Variants in PSD3 observed in about 807,000 individuals in gnomAD.
PSD3 encodes pleckstrin and Sec7 domain containing 3, also known as PH and SEC7 domain-containing protein 3.
Under a neutral mutation model 105.5 loss-of-function variants are expected in PSD3, and 49 were observed. The ratio of observed to expected loss-of-function variants is 0.46; its 90% CI spans 0.37 to 0.59. PSD3 has a LOEUF of 0.59. PSD3 is among the 20% of genes least tolerant of loss of function. PSD3 has a pLI of 0.00. For synonymous variants in PSD3, 557 were observed against 457.8 expected (o/e 1.22, Z -2.77); for missense variants, 1,561 against 1,263.8 (o/e 1.24, Z -3.57).
chr8:18,751,980 G>T (rs1805529960), intron 9 of PSD3, among the ~76,000 whole-genome samples: 1 of 146,458 alleles, frequency 6.8e-6, no homozygotes, highest in African/African-American at 2.7e-5. Context: ...TTCAAGACCA[G>T]CCTTGCCAAC....
chr8:18,767,719 C>T (rs1807137918), intron 8 of PSD3, among the ~76,000 whole-genome samples: 1 of 151,798 alleles, frequency 6.6e-6, no homozygotes, highest in African/African-American at 2.4e-5. Flanking sequence ...TGCACTCCAG[C>T]CTGGGAAACA....
chr8:18,797,108 T>C (rs534335532), intron 8 of PSD3, among the ~76,000 whole-genome samples: 1 of 152,234 alleles, frequency 6.6e-6, no homozygotes, highest in Admixed American at 6.5e-5. Context: ...AGGAGAAAGA[T>C]AGAAGAAACA....
chr8:18,673,401 AATC>A (rs1208675608), intron 9 of PSD3, among the ~76,000 whole-genome samples: 8 of 152,138 alleles, frequency 5.3e-5, no homozygotes. Context: ...CCCTGGAGTT[AATC>A]ATCATCTTAT....
At chr8:19,017,193 C>T (rs944351981), upstream of PSD3, among the ~76,000 whole-genome samples, 4 of 151,834 alleles carry the variant, frequency 2.6e-5, no homozygotes, top group African/African-American at 9.7e-5. Flanking sequence ...TCTGGGACTA[C>T]AGGCACACAC....
chr8:18,953,022 A>G (rs998124309), intron 1 of PSD3, among the ~76,000 whole-genome samples: 1 of 152,248 alleles, frequency 6.6e-6, no homozygotes, highest in African/African-American at 2.4e-5. Flanking sequence ...AACAAACTCC[A>G]ACACATCAAT....
At chr8:19,078,036 A>G (rs750033135) in intron 1 of PSD3, among the ~76,000 whole-genome samples, 4 of 152,094 alleles carry the variant, frequency 2.6e-5, no homozygotes, top group Non-Finnish European at 5.9e-5. Context: ...GGAAAAAAAA[A>G]TTTGTTCTTT....
intron 8 of PSD3, among the ~76,000 whole-genome samples, chr8:18,775,707 A>C (rs1297117202): frequency 1.3e-5 from 2 of 152,184 alleles, no homozygotes; most frequent in Non-Finnish European, 2.9e-5. Context: ...CTGTTGAGTT[A>C]CTTATATATT....
chr8:18,900,973 A>G (rs891017208), intron 2 of PSD3, among the ~76,000 whole-genome samples: 1 of 152,170 alleles, frequency 6.6e-6, no homozygotes, highest in Non-Finnish European at 1.5e-5. Context: ...AATTGTATGC[A>G]GTTATGATTT....
intron 1 of PSD3, among the ~76,000 whole-genome samples, chr8:19,021,878 A>C (rs1827375162): frequency 6.6e-6 from 1 of 152,170 alleles, no homozygotes; most frequent in East Asian, 1.9e-4. Flanking sequence ...TGTGAAAGGG[A>C]GGGTGGATGA....
chr8:18,651,776 G>A (rs1040074877), intron 10 of PSD3, among the ~76,000 whole-genome samples: 15 of 152,290 alleles, frequency 9.8e-5, no homozygotes, highest in African/African-American at 3.4e-4. Context: ...GACTGTGAAG[G>A]ATGATAGGCT....
intron 8 of PSD3, among the ~76,000 whole-genome samples, chr8:18,793,948 C>CATTAAATTTTTAAAATAAT (rs1809992597): frequency 2.0e-5 from 2 of 99,524 alleles, no homozygotes; most frequent in African/African-American, 6.2e-5. Flanking sequence ...CAATATGAAG[C>CATTAAATTTTTAAAATAAT]TGTGGGGAAA....
intron 13 of PSD3, 107 bp from the exon 14 acceptor site, chr8:18,572,779 C>T (rs960779366): frequency 7.8e-6 from 10 of 1,274,216 alleles, no homozygotes; most frequent in Non-Finnish European, 8.8e-6. Flanking sequence ...AAATCATTTA[C>T]TCCTCCTGGT....
intron 12 of PSD3, among the ~76,000 whole-genome samples, chr8:18,584,909 G>C (rs368052633): frequency 3.0e-4 from 45 of 152,278 alleles, no homozygotes; most frequent in African/African-American, 1.1e-3. Context: ...TTGAGGTGGT[G>C]AGAGGGAGAG....
chr8:18,593,115 T>A (rs1230552609), intron 12 of PSD3, among the ~76,000 whole-genome samples: 5 of 152,044 alleles, frequency 3.3e-5, no homozygotes, highest in Admixed American at 2.0e-4. Flanking sequence ...AAGCCAAAAT[T>A]GACAAATGGG....
chr8:18,596,671 A>G (rs1157298321), intron 12 of PSD3, among the ~76,000 whole-genome samples: 1 of 152,126 alleles, frequency 6.6e-6, no homozygotes, highest in African/African-American at 2.4e-5. Flanking sequence ...ATAAACTAAA[A>G]GGATTCTAAG....
intron 9 of PSD3, among the ~76,000 whole-genome samples, chr8:18,728,497 T>C (rs911790531): frequency 6.6e-6 from 1 of 150,522 alleles, no homozygotes; most frequent in Non-Finnish European, 1.5e-5. Flanking sequence ...GAGGGAGGAG[T>C]GTTTCAGGCA....
chr8:18,656,752 A>C (rs1295287192), intron 9 of PSD3, among the ~76,000 whole-genome samples: 1 of 152,018 alleles, frequency 6.6e-6, no homozygotes, highest in African/African-American at 2.4e-5. Context: ...TGTGTTTCCC[A>C]GGCTGCAGTG....
At chr8:18,847,789 A>G (rs1227197364) in intron 4 of PSD3, among the ~76,000 whole-genome samples, 1 of 152,218 alleles carries the variant, frequency 6.6e-6, no homozygotes, top group African/African-American at 2.4e-5. Context: ...ACCCGCAAAC[A>G]CAAGGCTACC....
Position 18,871,916 on chromosome 8 carries a change from G to C in PSD3, c.948C>G (p.Thr316=), listed in dbSNP as rs377034597. 6 of 1,613,978 alleles carry C rather than the reference G, an allele frequency of 3.7e-6. No homozygotes were observed. The highest frequency in any genetic ancestry group is 4.2e-6 in the Non-Finnish European group (5 of 1,180,018). The part of the protein sequence containing the change: ...ILWTGGDKRE[T]QHPIDFETSL... ...ATGTCTCAAAATCTATAGGATGCTG[G>C]GTCTCTCTCTTGTCTCCTCCTGTCC... Residue 316 remains threonine (T), a synonymous_variant, in exon 3 of 16, where the codon ACC becomes ACG. Coordinates refer to ENST00000327040, the MANE Select transcript of PSD3 (RefSeq NM_015310.4).
Sources: allele counts gnomAD v4.1 joint callset (sites outside exome capture counted in the v4.1 genomes callset), GRCh38; gene constraint gnomAD v4.1.1; transcripts MANE v1.5; gene names NCBI Gene and HGNC (gene_info 2026-07-23, HGNC 2026-07-21).